Variants in COL4A2 observed in about 807,000 individuals in gnomAD.
COL4A2 encodes collagen alpha-2(IV) chain.
A neutral mutation model predicts 200.2 loss-of-function variants in COL4A2; 99 were observed. The ratio of observed to expected loss-of-function variants is 0.49; its 90% CI spans 0.42 to 0.58. The LOEUF (loss-of-function observed/expected upper bound fraction) is 0.58, where lower values mean the gene tolerates loss of function less well. Ranked by LOEUF, COL4A2 falls within the 20% of genes least tolerant of loss-of-function variation. The pLI, the probability that COL4A2 is intolerant of heterozygous loss-of-function variation, is 0.00. For synonymous variants in COL4A2, 897 were observed against 900.6 expected (o/e 1.00, Z 0.07); for missense variants, 1,950 against 2,314.1 (o/e 0.84, Z 3.23).
chr13:110,363,395 A>G lies in COL4A2; in HGVS notation c.180+5843A>G, dbSNP rs575338862. Among the ~76,000 whole-genome samples, 5 of 152,324 alleles carry G rather than the reference A, an allele frequency of 3.3e-5. No homozygotes were observed. In the South Asian group the frequency reaches 6.2e-4, roughly 19 times the overall value. ...TCTATGGGTCCCTGGACTTGGGTCAAATAGTCCTTAGCCTCACCAGATTTC... is the reference window on the plus strand; with the variant it reads ...TCTATGGGTCCCTGGACTTGGGTCAGATAGTCCTTAGCCTCACCAGATTTC... On this transcript the variant is annotated intron_variant, in intron 4 of 47. Coordinates refer to ENST00000360467, the MANE Select transcript of COL4A2 (RefSeq NM_001846.4).
intron 4 of COL4A2, among the ~76,000 whole-genome samples, chr13:110,387,396 C>T (rs1006686758): frequency 3.3e-5 from 5 of 152,236 alleles, no homozygotes; most frequent in African/African-American, 1.2e-4. Flanking sequence ...CACGTCCCCA[C>T]GGAGAGAATT....
intron 30 of COL4A2, among the ~76,000 whole-genome samples, chr13:110,479,225 C>T (rs1398900649): frequency 4.0e-5 from 6 of 151,586 alleles, no homozygotes; most frequent in Admixed American, 2.6e-4. Flanking sequence ...GAAAGCCTGT[C>T]CTGAACTAAA....
chr13:110,332,646 A>G (rs1337335737), intron 3 of COL4A2, among the ~76,000 whole-genome samples: 2 of 152,228 alleles, frequency 1.3e-5, no homozygotes, highest in Non-Finnish European at 2.9e-5. Flanking sequence ...GCCCACGGAA[A>G]TATGAATTCA....
In COL4A2 at chr13:110,316,788, C is replaced by T. The variant is rs140457784; in HGVS notation, c.99+8665C>T. Among the ~76,000 whole-genome samples, 671 of 152,182 alleles carry T rather than the reference C, an allele frequency of 4.4e-3. 8 individuals are homozygous for T. The highest frequency in any genetic ancestry group is 0.015 in the African/African-American group (632 of 41,504). On this transcript the variant is annotated intron_variant, in intron 3 of 47. Coordinates refer to ENST00000360467, the MANE Select transcript of COL4A2 (RefSeq NM_001846.4). ...GTGGGGAGTGAAACCTAGAACTTGC[C>T]GATTCTAAAACCTCTGCTCTTAACC...
chr13:110,468,297 C>T (rs1207482738), intron 27 of COL4A2: 1 of 471,564 alleles, frequency 2.1e-6, no homozygotes, highest in Admixed American at 2.3e-5. Context: ...GTATCTTCCG[C>T]GTTCCATTAG....
chr13:110,333,502 C>G (rs1289098990), intron 3 of COL4A2, among the ~76,000 whole-genome samples: 1 of 152,194 alleles, frequency 6.6e-6, no homozygotes, highest in Admixed American at 6.5e-5. Context: ...CCTCACTGAT[C>G]TCTTCTTTAA....
chr13:110,334,233 G>C (rs1338418282), intron 3 of COL4A2, among the ~76,000 whole-genome samples: 2 of 152,236 alleles, frequency 1.3e-5, no homozygotes, highest in Admixed American at 6.5e-5. Flanking sequence ...CGGCCTTCTT[G>C]ACATTCAGAA....
chr13:110,400,221 A>C (rs1879323402), intron 4 of COL4A2, among the ~76,000 whole-genome samples: 1 of 152,252 alleles, frequency 6.6e-6, no homozygotes. Flanking sequence ...ATATGTGATA[A>C]AAGTGAAAAA....
At chr13:110,489,346 T>C (rs1325119024) in intron 34 of COL4A2, 99 bp from the exon 35 acceptor site, 4 of 1,171,046 alleles carry the variant, frequency 3.4e-6, no homozygotes, top group African/African-American at 3.0e-5. Flanking sequence ...ACCTTGAGTA[T>C]TGTCGTTAGC....
intron 43 of COL4A2, 79 bp downstream of exon 43, chr13:110,503,560 C>T (rs982402525): frequency 1.3e-5 from 11 of 864,088 alleles, no homozygotes; most frequent in Admixed American, 1.1e-4. Flanking sequence ...GGAGGTCAAA[C>T]GGCCAGGATC....
At chr13:110,493,469 G>A (rs1012028746) in intron 39 of COL4A2, among the ~76,000 whole-genome samples, 187 bp downstream of exon 39, 4 of 152,210 alleles carry the variant, frequency 2.6e-5, no homozygotes, top group African/African-American at 9.6e-5. Flanking sequence ...CTGCTAAGAT[G>A]TGATCCCTAA....
intron 3 of COL4A2, among the ~76,000 whole-genome samples, chr13:110,339,047 C>T (rs1386688361): frequency 1.3e-5 from 2 of 152,194 alleles, no homozygotes; most frequent in African/African-American, 4.8e-5. Flanking sequence ...CTTCCACGGA[C>T]CTTCCCTAAC....
chr13:110,427,000 C>T lies in COL4A2; in HGVS notation c.361-1467C>T, dbSNP rs145196172. ...TGACTGAGCCTGTTGGATCTCTCATCTGACGGCACCAGTTCAACCAATGGC... is the reference window on the plus strand; with the variant it reads ...TGACTGAGCCTGTTGGATCTCTCATTTGACGGCACCAGTTCAACCAATGGC... On this transcript the variant is annotated intron_variant, in intron 6 of 47. Coordinates refer to ENST00000360467, the MANE Select transcript of COL4A2 (RefSeq NM_001846.4). 1.7e-3 allele frequency among the ~76,000 whole-genome samples: 259 copies of T among 152,348 alleles called. 1 individual carries two copies. The highest frequency in any genetic ancestry group is 5.9e-3 in the African/African-American group (245 of 41,584).
chr13:110,465,522 C>G lies in COL4A2; in HGVS notation c.1894C>G (p.Arg632Gly). ...GLGLPGLKGQRGFPGDAGLPG... is the reference protein window; with the variant it reads ...GLGLPGLKGQGGFPGDAGLPG... ...GGGCCTTCCCGGCCTCAAAGGCCAA[C>G]GTGGTTTCCCTGGAGACGCCGGCTT... is the stretch of plus-strand genomic sequence containing the variant. Residue 632 changes from arginine (R) to glycine (G), a missense_variant, in exon 25 of 48, where the codon CGT becomes GGT. Coordinates refer to ENST00000360467, the MANE Select transcript of COL4A2 (RefSeq NM_001846.4). 6.2e-7 allele frequency: 1 copy of G among 1,614,026 alleles called. No homozygotes were observed. Among genetic ancestry groups the G allele is most frequent in the Non-Finnish European group, 8.5e-7 (1 of 1,180,018 alleles).
At chr13:110,469,439 C>A in intron 28 of COL4A2, 115 bp downstream of exon 28, 1 of 1,100,974 alleles carries the variant, frequency 9.1e-7, no homozygotes, top group South Asian at 1.6e-5. Context: ...TTAACAAATA[C>A]TTGACAACTT....
intron 31 of COL4A2, among the ~76,000 whole-genome samples, chr13:110,480,638 T>C (rs1379510719): frequency 2.0e-5 from 3 of 152,248 alleles, no homozygotes; most frequent in Non-Finnish European, 4.4e-5. Context: ...CAAGACAAAC[T>C]GCTCCTGCCT....
chr13:110,463,575 C>T (rs72657949), intron 24 of COL4A2, among the ~76,000 whole-genome samples: 54 of 152,288 alleles, frequency 3.5e-4, no homozygotes, highest in Non-Finnish European at 5.9e-4. Flanking sequence ...TCTGTAATAA[C>T]ACTCTTGAGT....
chr13:110,493,675 C>T (rs1883360545), intron 39 of COL4A2, among the ~76,000 whole-genome samples: 1 of 152,176 alleles, frequency 6.6e-6, no homozygotes, highest in Non-Finnish European at 1.5e-5. Flanking sequence ...AGGAAGCCAG[C>T]GGTTTCCACC....
chr13:110,486,239 C>T (rs1883115200), intron 34 of COL4A2, among the ~76,000 whole-genome samples: 1 of 152,232 alleles, frequency 6.6e-6, no homozygotes, highest in Admixed American at 6.5e-5. Context: ...TCCGGGCCAC[C>T]GTTCACTCAG....
Sources: allele counts gnomAD v4.1 joint callset (sites outside exome capture counted in the v4.1 genomes callset), GRCh38; gene constraint gnomAD v4.1.1; transcripts MANE v1.5; gene names NCBI Gene and HGNC (gene_info 2026-07-23, HGNC 2026-07-21).